Variants in ZC3H11A observed in about 807,000 individuals in gnomAD.
ZC3H11A encodes the protein zinc finger CCCH domain-containing protein 11A.
ZC3H11A carries 22 observed loss-of-function variants against 90.8 expected under a neutral mutation model. The ratio of observed to expected loss-of-function variants is 0.24; its 90% CI spans 0.17 to 0.35. The LOEUF (loss-of-function observed/expected upper bound fraction) is 0.35, where lower values mean the gene tolerates loss of function less well. Ranked by LOEUF, ZC3H11A falls within the 10% of genes least tolerant of loss-of-function variation. The pLI is 1.00. For missense variants in ZC3H11A, 701 were observed against 964.9 expected, an observed-to-expected ratio of 0.73 and a Z score of 3.62; for synonymous variants, 294 against 339.8, an observed-to-expected ratio of 0.87 and a Z score of 1.48.
At chr1:203,804,952 C>G (rs559725873) in intron 2 of ZC3H11A, among the ~76,000 whole-genome samples, 1 of 151,712 alleles carries the variant, frequency 6.6e-6, no homozygotes, top group South Asian at 2.1e-4. Flanking sequence ...GGATTACAGG[C>G]GTGAGCTATT....
intron 1 of ZC3H11A, chr1:203,800,087 CA>C: frequency 3.3e-6 from 5 of 1,536,090 alleles, no homozygotes; most frequent in Non-Finnish European, 3.5e-6. Flanking sequence ...CCCTTGGAAG[CA>C]AAAGCTTCAT....
chr1:203,840,415 T>C (rs1685733882), intron 12 of ZC3H11A, 41 bp downstream of exon 12: 1 of 1,588,834 alleles, frequency 6.3e-7, no homozygotes, highest in Non-Finnish European at 8.6e-7. Context: ...ATTTTTTTCT[T>C]TGCTGTAAGA....
At chr1:203,821,331 T>A (rs1678617878) in intron 4 of ZC3H11A, among the ~76,000 whole-genome samples, 1 of 152,162 alleles carries the variant, frequency 6.6e-6, no homozygotes. Flanking sequence ...TTAAATAAAT[T>A]TCCCAGTCTC....
intron 1 of ZC3H11A, chr1:203,798,503 T>G: frequency 6.5e-7 from 1 of 1,536,140 alleles, no homozygotes. Flanking sequence ...ACAGTGGTGC[T>G]GTTGCAAATG....
At position 203,798,259 on chromosome 1, in the gene ZC3H11A, G is replaced by A. The variant is rs751498445; in HGVS notation, c.-1588+2465G>A. 5 of 1,536,112 alleles carry A rather than the reference G, an allele frequency of 3.3e-6. No homozygotes were observed. In the South Asian group the frequency reaches 4.8e-5, roughly 15 times the overall value. Reference sequence around the variant, plus strand: ...GATGCCCTAAGGGCAGAAAGAGGGAGATTTCTCATCAAAAGTAACATTGTC... The same window carrying A: ...GATGCCCTAAGGGCAGAAAGAGGGAAATTTCTCATCAAAAGTAACATTGTC... On this transcript the variant is annotated intron_variant, in intron 1 of 17. Coordinates refer to ENST00000367210, the MANE Select transcript of ZC3H11A (RefSeq NM_001376342.1).
chr1:203,817,245 T>A (rs1676657106), intron 3 of ZC3H11A, 121 bp downstream of exon 3: 2 of 685,804 alleles, frequency 2.9e-6, no homozygotes, highest in East Asian at 6.4e-5. Flanking sequence ...ACTTTATTAT[T>A]GGCTGTCAGT....
intron 2 of ZC3H11A, chr1:203,805,956 C>A (rs1223604004): frequency 4.8e-6 from 3 of 620,292 alleles, no homozygotes; most frequent in Admixed American, 1.9e-5. Context: ...TAGCATCAAC[C>A]GTGGTCTTGG....
Position 203,848,324 on chromosome 1 carries a change from A to C in ZC3H11A, c.1547-7A>C. The C allele has an allele frequency of 6.2e-7, 1 of 1,610,400 alleles. No homozygotes were observed. On this transcript the variant is annotated splice_polypyrimidine_tract_variant and splice_region_variant and intron_variant, in intron 13 of 17. Coordinates refer to ENST00000367210, the MANE Select transcript of ZC3H11A (RefSeq NM_001376342.1). ...AATAACTAATGATGTCTTTAATGTG[A>C]ATACAGGGATGAAAGAAGAGAAGAA...
intron 12 of ZC3H11A, 59 bp from the exon 13 acceptor site, chr1:203,847,125 A>C (rs1024441852): frequency 1.3e-6 from 2 of 1,576,242 alleles, no homozygotes; most frequent in South Asian, 1.2e-5. Context: ...TAGAGAGATC[A>C]TAAGTCAGTA....
chr1:203,796,396 C>G (rs1049176165), intron 1 of ZC3H11A: 8 of 398,956 alleles, frequency 2.0e-5, no homozygotes, highest in Non-Finnish European at 3.1e-5. Flanking sequence ...ACTCCCACCC[C>G]TGGCCCTCAG....
At chr1:203,817,898 G>A (rs11240560) in intron 3 of ZC3H11A, among the ~76,000 whole-genome samples, 73,492 of 151,732 alleles carry the variant, frequency 0.48, 18,625 homozygotes, top group Non-Finnish European at 0.53. Context: ...GATTTCTGGC[G>A]CCTGCCACCA....
At chr1:203,813,138 T>C (rs1462162284) in intron 2 of ZC3H11A, among the ~76,000 whole-genome samples, 1 of 152,192 alleles carries the variant, frequency 6.6e-6, no homozygotes, top group Admixed American at 6.5e-5. Context: ...CTTAAGCTTC[T>C]TAACAGAGCT....
intron 2 of ZC3H11A, among the ~76,000 whole-genome samples, chr1:203,806,577 A>G (rs1370590639): frequency 2.0e-5 from 3 of 152,216 alleles, no homozygotes; most frequent in African/African-American, 7.2e-5. Context: ...TGCTGGGATT[A>G]TAGGCATGAG....
In ZC3H11A at chr1:203,830,111, T is replaced by G; in HGVS notation, c.620-12T>G. 1 of 1,583,328 alleles carries G rather than the reference T, an allele frequency of 6.3e-7. No individual in the cohort carries two copies. Among genetic ancestry groups the G allele is most frequent in the Non-Finnish European group, 8.6e-7 (1 of 1,162,930 alleles). ...CTCCCGTTCCTCATAAAATTTCTAT[T>G]TGAATTTTCAGGTGAATGTTTGAAT... On this transcript the variant is annotated splice_polypyrimidine_tract_variant and intron_variant, in intron 7 of 17. Transcript: ENST00000367210.
chr1:203,848,262 G>A, intron 13 of ZC3H11A, 69 bp from the exon 14 acceptor site: 2 of 1,320,536 alleles, frequency 1.5e-6, no homozygotes, highest in Non-Finnish European at 2.1e-6. Context: ...ATAAAGTTTT[G>A]TTTAACATAT....
chr1:203,824,317 T>G (rs1297571934), intron 4 of ZC3H11A, among the ~76,000 whole-genome samples: 1 of 152,012 alleles, frequency 6.6e-6, no homozygotes, highest in Admixed American at 6.6e-5. Context: ...TATTTGTTTT[T>G]CACTTGCATA....
intron 3 of ZC3H11A, 89 bp from the exon 4 acceptor site, chr1:203,818,481 T>A: frequency 6.4e-7 from 1 of 1,561,416 alleles, no homozygotes; most frequent in Non-Finnish European, 8.7e-7. Context: ...TCATTTGTGC[T>A]TGTCTAAATT....
chr1:203,825,068 C>G (rs747843068), intron 4 of ZC3H11A, among the ~76,000 whole-genome samples: 10 of 115,830 alleles, frequency 8.6e-5, no homozygotes, highest in Non-Finnish European at 1.5e-4. Flanking sequence ...CAGAGCGAGA[C>G]TCCGTCTCAA....
chr1:203,842,743 AT>A (rs1271905464), intron 12 of ZC3H11A, among the ~76,000 whole-genome samples: 1 of 151,728 alleles, frequency 6.6e-6, no homozygotes, highest in African/African-American at 2.4e-5. Flanking sequence ...CTTTAAAAAA[AT>A]CTTCAAAAAT....
Sources: allele counts gnomAD v4.1 joint callset (sites outside exome capture counted in the v4.1 genomes callset), GRCh38; gene constraint gnomAD v4.1.1; transcripts MANE v1.5; gene names NCBI Gene and HGNC (gene_info 2026-07-23, HGNC 2026-07-21).